The following COQ3 variants were observed in gnomAD, a reference collection of about 807,000 sequenced individuals.
The protein encoded by COQ3 is ubiquinone biosynthesis O-methyltransferase, mitochondrial.
In COQ3, 29 loss-of-function variants were observed where a neutral mutation model predicts 33.1. The ratio of observed to expected loss-of-function variants is 0.88; its 90% confidence interval spans 0.65 to 1.19. The LOEUF is 1.19. Ranked by LOEUF, COQ3 falls within the 50% of genes most tolerant of loss-of-function variation. The pLI is 0.00. For synonymous variants in COQ3, 173 were observed against 157.8 expected, an observed-to-expected ratio of 1.10 and a Z score of -0.72; for missense variants, 437 against 430.7, an observed-to-expected ratio of 1.01 and a Z score of -0.13.
In COQ3 at chr6:99,376,172, C is replaced by T. The variant is rs148585360; in HGVS notation, c.497G>A (p.Arg166Gln). 9.9e-5 allele frequency: 160 copies of T among 1,613,804 alleles called. No individual in the cohort carries two copies. The highest frequency in any genetic ancestry group is 1.6e-4 in the Middle Eastern group (1 of 6,084). The stretch of plus-strand genomic sequence containing the variant: ...GATTCCAATAACTGAAGCCCCAAGC[C>T]GCCCTAGAGGCTAATGGCATTAAAA... ...GGGLLTEPLG[R>Q]LGASVIGIDP... The change falls in exon 5 of 7, where the codon CGG becomes CAG. Residue 166 changes from arginine (R) to glutamine (Q), a missense_variant. Physicochemically the swap from Arg to Gln is conservative, Grantham distance 43. Coordinates refer to ENST00000254759, the MANE Select transcript of COQ3 (RefSeq NM_017421.4).
chr6:99,378,090 G>A (rs1774345805), intron 3 of COQ3, among the ~76,000 whole-genome samples: 1 of 92,386 alleles, frequency 1.1e-5, no homozygotes, highest in Admixed American at 1.4e-4. Context: ...ACACCTAACA[G>A]TATTGTAAAC....
At chr6:99,387,409 C>G (rs1336896685) in intron 1 of COQ3, among the ~76,000 whole-genome samples, 2 of 152,128 alleles carry the variant, frequency 1.3e-5, no homozygotes, top group African/African-American at 2.4e-5. Flanking sequence ...CATGATTGCA[C>G]CGCTGCACTC....
intron 1 of COQ3, among the ~76,000 whole-genome samples, chr6:99,391,094 T>TATTTATTG (rs1554209260): frequency 3.6e-3 from 342 of 96,034 alleles, no homozygotes; most frequent in Admixed American, 6.3e-3. Flanking sequence ...TTTATTTATT[T>TATTTATTG]ATTTATTTAT....
chr6:99,390,176 C>T (rs770889237), intron 1 of COQ3, among the ~76,000 whole-genome samples: 28 of 152,058 alleles, frequency 1.8e-4, no homozygotes, highest in Middle Eastern at 6.8e-3. Flanking sequence ...TTTCAGAGTC[C>T]CTGTAGGTAA....
intron 5 of COQ3, among the ~76,000 whole-genome samples, chr6:99,373,340 A>G (rs1034969497): frequency 1.3e-5 from 2 of 152,056 alleles, no homozygotes; most frequent in Non-Finnish European, 2.9e-5. Flanking sequence ...CTGAGGTGGG[A>G]GGATCACTTG....
chr6:99,377,416 G>A lies in COQ3; in HGVS notation c.456C>T (p.Asp152=), dbSNP rs768792726. 6.8e-6 allele frequency: 11 copies of A among 1,613,434 alleles called. No homozygotes were observed. The African/African-American group carries it at 8.0e-5, about 12-fold the overall frequency. The change falls in exon 4 of 7, where the codon GAC becomes GAT. Residue 152 remains aspartate, a synonymous_variant. Coordinates refer to ENST00000254759, the MANE Select transcript of COQ3 (RefSeq NM_017421.4). ...TTAACAGCCCACCACCACAGCCAAC[G>A]TCAAGAATCTTCATCCCCAACAAAG... ...GKPLLGMKIL[D]VGCGGGLLTE...
At position 99,374,140 on chromosome 6, in the gene COQ3, A is replaced by T. The variant is rs1360583598; in HGVS notation, c.729+1800T>A. On this transcript the variant is annotated intron_variant, in intron 5 of 6. Coordinates refer to ENST00000254759, the MANE Select transcript of COQ3 (RefSeq NM_017421.4). ...ACATTAGCAAAAAAAAAAAAAAAAA[A>T]AAATTAATAAAATTTAACGAGCTCT... 3.2e-3 allele frequency among the ~76,000 whole-genome samples: 481 copies of T among 151,660 alleles called. 2 individuals are homozygous for T. Among genetic ancestry groups the T allele is most frequent in the African/African-American group, 0.011 (445 of 41,228 alleles).
In COQ3 at chr6:99,369,729, T is replaced by C. The variant is rs773122213; in HGVS notation, c.981A>G (p.Ala327=). Residue 327 remains alanine (A), a synonymous_variant, in exon 7 of 7, where the codon GCA becomes GCG. Transcript: ENST00000254759. ...GGACCCTGGATTTCACAGCATAAGC[T>C]GCATAGTTAAGGCTGGTATTTTCAC... The part of the protein sequence containing the change: ...HWSENTSLNY[A]AYAVKSRVQE... 1.1e-5 allele frequency: 17 copies of C among 1,613,434 alleles called. No individual in the cohort carries two copies. In the African/African-American group the frequency reaches 2.3e-4, roughly 22 times the overall value.
At chr6:99,390,905 T>A (rs1265648644) in intron 1 of COQ3, among the ~76,000 whole-genome samples, 1 of 152,172 alleles carries the variant, frequency 6.6e-6, no homozygotes, top group Non-Finnish European at 1.5e-5. Context: ...TCCTTTCTTA[T>A]GTTTAGTGGT....
chr6:99,390,360 G>A (rs145939895), intron 1 of COQ3, among the ~76,000 whole-genome samples: 1,506 of 142,212 alleles, frequency 0.011, 17 homozygotes, highest in African/African-American at 0.034. Flanking sequence ...TTGAGACGGA[G>A]TCTTGCTCTG....
intron 1 of COQ3, among the ~76,000 whole-genome samples, chr6:99,393,527 C>T (rs1774886372): frequency 6.6e-6 from 1 of 152,164 alleles, no homozygotes; most frequent in African/African-American, 2.4e-5. Context: ...TAAGTTTCTA[C>T]TTAATACTGA....
chr6:99,392,950 C>T (rs1194659840), intron 1 of COQ3, among the ~76,000 whole-genome samples: 4 of 152,094 alleles, frequency 2.6e-5, no homozygotes, highest in Non-Finnish European at 4.4e-5. Flanking sequence ...TCCTTGATCC[C>T]AAATATGGAT....
chr6:99,386,632 T>G (rs1011455813), intron 1 of COQ3, among the ~76,000 whole-genome samples: 3 of 152,142 alleles, frequency 2.0e-5, no homozygotes, highest in Admixed American at 2.0e-4. Flanking sequence ...ATAGCTCTGA[T>G]AGACATTAAA....
chr6:99,380,435 T>G (rs538807612), intron 2 of COQ3, 94 bp from the exon 3 acceptor site: 2 of 1,337,806 alleles, frequency 1.5e-6, no homozygotes, highest in Non-Finnish European at 2.1e-6. Context: ...TTATTTACAA[T>G]TTATTATATT....
chr6:99,379,019 TTTATTA>T (rs919184067), intron 3 of COQ3, among the ~76,000 whole-genome samples: 8 of 151,166 alleles, frequency 5.3e-5, no homozygotes, highest in African/African-American at 1.9e-4. Context: ...TTTATTTTAT[TTTATTA>T]TTATTATACT....
chr6:99,370,403 C>A (rs1774104977), intron 6 of COQ3, among the ~76,000 whole-genome samples: 1 of 126,132 alleles, frequency 7.9e-6, no homozygotes. Context: ...GGCTGGAGTG[C>A]AGTGGCACAA....
chr6:99,381,787 G>A (rs961142786), intron 2 of COQ3, among the ~76,000 whole-genome samples: 2 of 152,026 alleles, frequency 1.3e-5, no homozygotes, highest in Non-Finnish European at 2.9e-5. Flanking sequence ...TTAGCCAGGT[G>A]TGGTGGCAGG....
chr6:99,383,675 T>C (rs1360658493), intron 2 of COQ3, 23 bp downstream of exon 2: 1 of 1,536,108 alleles, frequency 6.5e-7, no homozygotes, highest in South Asian at 1.2e-5. Context: ...CGTGAATATT[T>C]GCCACAGTAA....
chr6:99,376,392 T>C (rs1468113909), intron 4 of COQ3, among the ~76,000 whole-genome samples: 1 of 151,970 alleles, frequency 6.6e-6, no homozygotes, highest in Non-Finnish European at 1.5e-5. Context: ...AGAAGAACAA[T>C]GAAAACAACA....
Sources: allele counts gnomAD v4.1 joint callset (sites outside exome capture counted in the v4.1 genomes callset), GRCh38; gene constraint gnomAD v4.1.1; transcripts MANE v1.5; gene names NCBI Gene and HGNC (gene_info 2026-07-23, HGNC 2026-07-21).